WFDC1: variants seen among roughly 807,000 people sequenced by gnomAD.
WFDC1 encodes the protein WAP four-disulfide core domain protein 1.
Under a neutral mutation model 32.9 loss-of-function variants are expected in WFDC1, and 39 were observed. The observed-to-expected ratio is 1.19, with a 90% CI of 0.92 to 1.55. The LOEUF (loss-of-function observed/expected upper bound fraction) is 1.55. Among genes scored for constraint, WFDC1 ranks in the 40% most tolerant of loss-of-function variants. The pLI, the probability that WFDC1 is intolerant of heterozygous loss-of-function variation, is 0.00. For missense variants in WFDC1, 386 were observed against 309.5 expected (o/e 1.25, Z -1.85); for synonymous variants, 184 against 137.4 (o/e 1.34, Z -2.37).
rs35785853 is a variant in WFDC1 at position 84,303,021 on chromosome 16, CTT to C, written c.144+7921_144+7922del. On this transcript the variant is annotated intron_variant, in intron 1 of 6. Transcript: ENST00000219454. ...TGCCGTCTCGTGAATTTCTTTCTTT[CTT>C]TTTTTTTTTTTTTTGGCCTCCCTCT... Among the ~76,000 whole-genome samples, 173 of 135,010 alleles carry C rather than the reference CTT, an allele frequency of 1.3e-3. 1 individual carries two copies. Among genetic ancestry groups the C allele is most frequent in the Admixed American group, 2.2e-3 (29 of 13,302 alleles). The allele number at this position is 135,010 out of a possible 152,430, so 88.6% of individuals were successfully genotyped here.
chr16:84,294,902 C>T lies in WFDC1; in HGVS notation c.-70C>T. 1 of 1,565,562 alleles carries T rather than the reference C, an allele frequency of 6.4e-7. No individual in the cohort carries two copies. Among genetic ancestry groups the T allele is most frequent in the Non-Finnish European group, 8.6e-7 (1 of 1,156,724 alleles). ...CAGACTGTGCACGCTCCTGTCCCCA[C>T]TCACAGGCCCACGCAGCGAGGGGGG... On this transcript the variant is annotated 5_prime_UTR_variant, in exon 1 of 7. Transcript: ENST00000219454.
At chr16:84,317,413 A>T (rs1483802994) in intron 2 of WFDC1, 3 of 152,316 alleles carry the variant, frequency 2.0e-5, no homozygotes, top group Admixed American at 1.3e-4. Flanking sequence ...ATTGGAAATG[A>T]CTGGTCAGGG....
At position 84,319,474 on chromosome 16, in the gene WFDC1, C is replaced by T. The variant is rs1204308250; in HGVS notation, c.465C>T (p.Leu155=). Residue 155 remains leucine (L), a synonymous_variant, in exon 4 of 7, where the codon CTC becomes CTT. Coordinates refer to ENST00000219454, the MANE Select transcript of WFDC1 (RefSeq NM_021197.4). ...STTEDGAEPL[L]CPSGYECHIL... Reference sequence around the variant, plus strand: ...CGGAGGATGGGGCCGAACCCCTGCTCTGTCCCTCGGGCTATGAGTGCCACA... The same window carrying T: ...CGGAGGATGGGGCCGAACCCCTGCTTTGTCCCTCGGGCTATGAGTGCCACA... 3 of 1,612,418 alleles carry T rather than the reference C, an allele frequency of 1.9e-6. No homozygotes were observed. The highest frequency in any genetic ancestry group is 2.5e-6 in the Non-Finnish European group (3 of 1,179,966).
intron 1 of WFDC1, among the ~76,000 whole-genome samples, chr16:84,310,004 C>T (rs1907517288): frequency 6.6e-6 from 1 of 152,076 alleles, no homozygotes; most frequent in Non-Finnish European, 1.5e-5. Flanking sequence ...TGCAAAGACC[C>T]TTTTTCCTTT....
chr16:84,304,988 A>T (rs969380965), intron 1 of WFDC1, among the ~76,000 whole-genome samples: 2 of 152,218 alleles, frequency 1.3e-5, no homozygotes, highest in African/African-American at 4.8e-5. Context: ...TGGGTCAGGA[A>T]CGCCCATGGA....
At chr16:84,322,762 A>G (rs370028853) in intron 4 of WFDC1, among the ~76,000 whole-genome samples, 1 of 152,228 alleles carries the variant, frequency 6.6e-6, no homozygotes, top group South Asian at 2.1e-4. Flanking sequence ...TGACATGTAT[A>G]GTAAATCTGG....
chr16:84,306,259 C>T (rs1458962940), intron 1 of WFDC1, among the ~76,000 whole-genome samples: 2 of 152,164 alleles, frequency 1.3e-5, no homozygotes, highest in Non-Finnish European at 1.5e-5. Flanking sequence ...GACTCCTACA[C>T]CTGAGCCCTT....
intron 1 of WFDC1, among the ~76,000 whole-genome samples, chr16:84,302,803 G>C (rs899507935): frequency 6.6e-6 from 1 of 152,114 alleles, no homozygotes. Flanking sequence ...ACGTCTTCTG[G>C]TTCAACTCGG....
intron 1 of WFDC1, among the ~76,000 whole-genome samples, chr16:84,311,793 T>G (rs1259479443): frequency 6.7e-6 from 1 of 150,068 alleles, no homozygotes; most frequent in Non-Finnish European, 1.5e-5. Context: ...CCACCTTGAC[T>G]TCTGGAAATG....
intron 5 of WFDC1, 195 bp from the exon 6 acceptor site, chr16:84,326,683 TAGAC>T (rs939437285): frequency 4.3e-5 from 25 of 587,646 alleles, no homozygotes; most frequent in African/African-American, 4.1e-4. Flanking sequence ...ACCAGAAACA[TAGAC>T]AGAGCTGGTG....
intron 1 of WFDC1, among the ~76,000 whole-genome samples, chr16:84,308,065 C>T (rs1907371092): frequency 6.6e-6 from 1 of 152,230 alleles, no homozygotes; most frequent in African/African-American, 2.4e-5. Flanking sequence ...GTGAATTTAA[C>T]AGCCAATGTT....
At position 84,317,779 on chromosome 16, in the gene WFDC1, C is replaced by G. The variant is rs553196569; in HGVS notation, c.338-493C>G. ...AAAAAGACCCATAAATACAGGGACC[C>G]AACCTGTGAGGCATTTTCTTCTCTC... is the stretch of plus-strand genomic sequence containing the variant. On this transcript the variant is annotated intron_variant, in intron 2 of 6. Coordinates refer to ENST00000219454, the MANE Select transcript of WFDC1 (RefSeq NM_021197.4). 6 of 162,990 alleles carry G rather than the reference C, an allele frequency of 3.7e-5. No individual in the cohort carries two copies. The South Asian group carries it at 1.0e-3, about 28-fold the overall frequency. 10.1% of individuals were successfully genotyped at this position (162,990 alleles called of 1,614,324 possible).
At chr16:84,302,790 C>G (rs1158935200) in intron 1 of WFDC1, among the ~76,000 whole-genome samples, 1 of 152,176 alleles carries the variant, frequency 6.6e-6, no homozygotes, top group Admixed American at 6.5e-5. Flanking sequence ...GAAGTCAGGG[C>G]CAACGTCTTC....
intron 5 of WFDC1, among the ~76,000 whole-genome samples, chr16:84,325,287 C>G (rs1233114595): frequency 6.6e-6 from 1 of 150,992 alleles, no homozygotes; most frequent in Non-Finnish European, 1.5e-5. Flanking sequence ...ACTGCAAACT[C>G]TGCCTCCTGG....
chr16:84,324,275 C>T (rs144052702), intron 4 of WFDC1, 144 bp from the exon 5 acceptor site: 7,023 of 682,106 alleles, frequency 0.01, 62 homozygotes, highest in Non-Finnish European at 0.014. Context: ...ATTACAAATG[C>T]TCATGTAGCC....
At position 84,317,393 on chromosome 16, in the gene WFDC1, G is replaced by C. The variant is rs36013769; in HGVS notation, c.338-879G>C. 506 of 152,182 alleles carry C rather than the reference G, an allele frequency of 3.3e-3. 2 individuals carry two copies. Among genetic ancestry groups the C allele is most frequent in the African/African-American group, 0.011 (474 of 41,524 alleles). 9.4% of individuals were successfully genotyped at this position (152,182 alleles called of 1,614,324 possible). A position where few individuals can be genotyped will look rare whatever the true frequency, so the allele number is the denominator to read the frequency against. On this transcript the variant is annotated intron_variant, in intron 2 of 6. Coordinates refer to ENST00000219454, the MANE Select transcript of WFDC1 (RefSeq NM_021197.4). ...TTACAGTAAGAAAAAAAATAAAACA[G>C]TCTGGGAGCATTGGAAATGACTGGT...
chr16:84,295,257 T>C, intron 1 of WFDC1, 142 bp downstream of exon 1: 1 of 1,142,230 alleles, frequency 8.8e-7, no homozygotes, highest in Non-Finnish European at 1.2e-6. Context: ...TCCGTGTGTG[T>C]CTGAGTTGTG....
chr16:84,296,432 T>C (rs919906795), intron 1 of WFDC1, among the ~76,000 whole-genome samples: 3 of 152,184 alleles, frequency 2.0e-5, no homozygotes, highest in African/African-American at 7.2e-5. Context: ...TAGCACGGGA[T>C]GCGTGTGCAG....
chr16:84,326,923 C>A lies in WFDC1; in HGVS notation c.646C>A (p.Gln216Lys). Residue 216 changes from glutamine to lysine, a missense_variant, in exon 6 of 7, where the codon CAG becomes AAG. By Grantham distance (53) the Gln-to-Lys change is moderately conservative (BLOSUM62 1). Transcript: ENST00000219454. ...KNVAEPGRGQ[Q>K]KHFQ ...TGTGGCAGAACCTGGAAGGGGACAA[C>A]AGAAGCACTTTCAGTAAAGCAACGG... is the stretch of plus-strand genomic sequence containing the variant. 6.2e-7 allele frequency: 1 copy of A among 1,614,094 alleles called. No individual in the cohort carries two copies.
Sources: allele counts gnomAD v4.1 joint callset (sites outside exome capture counted in the v4.1 genomes callset), GRCh38; gene constraint gnomAD v4.1.1; transcripts MANE v1.5; gene names NCBI Gene and HGNC (gene_info 2026-07-23, HGNC 2026-07-21).